SPTBN1: variants seen among roughly 807,000 people sequenced by gnomAD.
SPTBN1 encodes spectrin beta chain, non-erythrocytic 1.
SPTBN1 carries 32 observed loss-of-function variants against 266.4 expected under a neutral mutation model. The ratio of observed to expected loss-of-function variants is 0.12; its 90% confidence interval spans 0.09 to 0.16. The LOEUF (loss-of-function observed/expected upper bound fraction) is 0.16, where lower values mean the gene tolerates loss of function less well. Among genes scored for constraint, SPTBN1 ranks in the 10% least tolerant of loss-of-function variants. The pLI, the probability that SPTBN1 is intolerant of heterozygous loss-of-function variation, is 1.00. For missense variants in SPTBN1, 2,296 were observed against 3,067.1 expected, an observed-to-expected ratio of 0.75 and a Z score of 5.94; for synonymous variants, 1,336 against 1,162.2, an observed-to-expected ratio of 1.15 and a Z score of -3.04.
chr2:54,569,827 C>G (rs983582021), intron 2 of SPTBN1, among the ~76,000 whole-genome samples: 2 of 152,210 alleles, frequency 1.3e-5, no homozygotes, highest in African/African-American at 4.8e-5. Context: ...AGTTAAATGG[C>G]AAGGCAGGGC....
At chr2:54,473,343 G>A (rs948392337) in intron 1 of SPTBN1, among the ~76,000 whole-genome samples, 2 of 152,168 alleles carry the variant, frequency 1.3e-5, no homozygotes, top group East Asian at 3.8e-4. Context: ...GCGTGTGTGG[G>A]CAGCTTCTTT....
At chr2:54,553,609 A>G (rs1672699918) in intron 2 of SPTBN1, among the ~76,000 whole-genome samples, 1 of 152,206 alleles carries the variant, frequency 6.6e-6, no homozygotes, top group Admixed American at 6.5e-5. Flanking sequence ...TGGCAGTAGA[A>G]AGCAGCAGAG....
At chr2:54,632,467 T>C (rs1311548231) in intron 16 of SPTBN1, 99 bp from the exon 17 acceptor site, 4 of 1,216,560 alleles carry the variant, frequency 3.3e-6, no homozygotes, top group Non-Finnish European at 4.7e-6. Flanking sequence ...GTAAGTGTAA[T>C]GAAGAAAGTG....
At chr2:54,520,362 C>G (rs1670366325) in intron 1 of SPTBN1, 1 of 152,118 alleles carries the variant, frequency 6.6e-6, no homozygotes, top group South Asian at 2.1e-4. Context: ...CAGTTTCTTT[C>G]CTAATGGTTA....
intron 1 of SPTBN1, among the ~76,000 whole-genome samples, chr2:54,483,861 C>T (rs1386992013): frequency 2.6e-5 from 4 of 152,102 alleles, no homozygotes; most frequent in East Asian, 1.9e-4. Flanking sequence ...TGCTTTGTTC[C>T]GCTGGTCAGG....
intron 24 of SPTBN1, 140 bp from the exon 25 acceptor site, chr2:54,648,846 G>T: frequency 1.2e-6 from 1 of 804,158 alleles, no homozygotes. Context: ...TATTTTTCAT[G>T]CTAAGTGGGT....
At chr2:54,655,320 A>T in intron 28 of SPTBN1, 112 bp downstream of exon 28, 2 of 1,365,444 alleles carry the variant, frequency 1.5e-6, no homozygotes, top group Admixed American at 2.4e-5. Context: ...ATACACACAC[A>T]CATATGTTTT....
rs772438021 is a variant in SPTBN1, at chr2:54,540,720, G to A, written c.148+14154G>A. The stretch of plus-strand genomic sequence containing the variant: ...CTGTCATCATTAGCCTGGAGTACAT[G>A]TTAGCAGTTGAAGTTTGAGAATTTC... On this transcript the variant is annotated intron_variant, in intron 2 of 35. Transcript: ENST00000356805. The surrounding 1 kb of genome is among the most constrained non-coding windows in gnomAD (Gnocchi z 5.6). 1 of 152,176 alleles carries A rather than the reference G, an allele frequency of 6.6e-6. No homozygotes were observed. Among genetic ancestry groups the A allele is most frequent in the African/African-American group, 2.4e-5 (1 of 41,432 alleles). 9.4% of individuals were successfully genotyped at this position (152,176 alleles called of 1,614,324 possible).
chr2:54,651,066 T>G (rs959118163), intron 26 of SPTBN1, among the ~76,000 whole-genome samples: 2 of 152,248 alleles, frequency 1.3e-5, no homozygotes, highest in Non-Finnish European at 2.9e-5. Flanking sequence ...TATGACATAG[T>G]GAGATCTCTA....
chr2:54,490,097 G>A (rs1042877975), intron 1 of SPTBN1, among the ~76,000 whole-genome samples: 1 of 78,072 alleles, frequency 1.3e-5, no homozygotes, highest in East Asian at 3.5e-4. Flanking sequence ...TTTTTTTTTT[G>A]TGAGGCGGAG....
chr2:54,621,125 A>G (rs1186353289), intron 7 of SPTBN1, among the ~76,000 whole-genome samples: 1 of 152,218 alleles, frequency 6.6e-6, no homozygotes, highest in Non-Finnish European at 1.5e-5. Context: ...ATGAGGACTC[A>G]AGCAGAGCTA....
chr2:54,541,396 A>G (rs542805520), intron 2 of SPTBN1, among the ~76,000 whole-genome samples: 2 of 152,372 alleles, frequency 1.3e-5, no homozygotes, highest in African/African-American at 2.4e-5. Context: ...GAGGCATTCA[A>G]GACTACCTTG....
intron 17 of SPTBN1, among the ~76,000 whole-genome samples, chr2:54,636,899 G>A (rs755131338): frequency 2.6e-5 from 4 of 152,310 alleles, no homozygotes; most frequent in African/African-American, 9.6e-5. Context: ...GAAGCTCTCC[G>A]CTATTGTAGT....
At chr2:54,511,751 C>T (rs919344269) in intron 1 of SPTBN1, among the ~76,000 whole-genome samples, 2 of 151,888 alleles carry the variant, frequency 1.3e-5, no homozygotes, top group African/African-American at 4.8e-5. Context: ...TCTGCAATCC[C>T]AGCTAGGGAT....
intron 4 of SPTBN1, among the ~76,000 whole-genome samples, chr2:54,614,211 C>T (rs1227169896): frequency 6.6e-6 from 1 of 152,104 alleles, no homozygotes; most frequent in African/African-American, 2.4e-5. Context: ...ACCTATTCTA[C>T]AAAAATAATA....
At position 54,653,977 on chromosome 2, in the gene SPTBN1, G is replaced by A; in HGVS notation, c.5822+124G>A. 7.0e-7 allele frequency: 1 copy of A among 1,425,122 alleles called. No individual in the cohort carries two copies. The highest frequency in any genetic ancestry group is 1.4e-5 in the South Asian group (1 of 70,568). 88.3% of individuals were successfully genotyped at this position (1,425,122 alleles called of 1,614,324 possible). ...TGAGCGCTTCAAGGCCAGAGTGGGG[G>A]TGGGGCGGTGCTTGGAGTGCGGCAC... On this transcript the variant is annotated intron_variant, in intron 27 of 35. Transcript: ENST00000356805. The surrounding 1 kb of genome is among the most constrained non-coding windows in gnomAD (Gnocchi z 5.1).
chr2:54,536,526 CA>C (rs1671611675), intron 2 of SPTBN1, among the ~76,000 whole-genome samples: 1 of 152,096 alleles, frequency 6.6e-6, no homozygotes, highest in Non-Finnish European at 1.5e-5. Context: ...ATAAATTCAC[CA>C]GTAGTTTGAC....
intron 1 of SPTBN1, among the ~76,000 whole-genome samples, chr2:54,494,917 TAAAA>T (rs66814543): frequency 3.6e-5 from 5 of 139,778 alleles, no homozygotes; most frequent in African/African-American, 1.4e-4. Flanking sequence ...TGTTTTTTTT[TAAAA>T]AAAAAAAAAT....
At chr2:54,633,998 C>T (rs1321800548) in intron 17 of SPTBN1, among the ~76,000 whole-genome samples, 1 of 152,174 alleles carries the variant, frequency 6.6e-6, no homozygotes, top group Non-Finnish European at 1.5e-5. Context: ...AAAAATAAAT[C>T]CACCAAACCC....
Sources: allele counts gnomAD v4.1 joint callset (sites outside exome capture counted in the v4.1 genomes callset), GRCh38; gene constraint gnomAD v4.1.1; non-coding constraint Gnocchi (gnomAD v3.1); transcripts MANE v1.5; gene names NCBI Gene and HGNC (gene_info 2026-07-23, HGNC 2026-07-21).